ADGRB3: variants seen among roughly 807,000 people sequenced by gnomAD.
The protein encoded by ADGRB3 is adhesion G protein-coupled receptor B3.
ADGRB3 carries 37 observed loss-of-function variants against 193.4 expected under a neutral mutation model. That is an observed-to-expected ratio of 0.19 (90% CI 0.15 to 0.25). The LOEUF (loss-of-function observed/expected upper bound fraction) is 0.25, where lower values mean the gene tolerates loss of function less well. Among genes scored for constraint, ADGRB3 ranks in the 10% least tolerant of loss-of-function variants. The probability of loss-of-function intolerance (pLI) is 1.00; values close to 1 mark genes in which losing one functional copy is unlikely to be tolerated. For missense variants in ADGRB3, 1,637 were observed against 1,852.9 expected, an observed-to-expected ratio of 0.88 and a Z score of 2.14; for synonymous variants, 690 against 644.2, an observed-to-expected ratio of 1.07 and a Z score of -1.08.
At chr6:69,320,812 TG>T (rs1395410667) in intron 20 of ADGRB3, among the ~76,000 whole-genome samples, 1 of 138,600 alleles carries the variant, frequency 7.2e-6, no homozygotes, top group Non-Finnish European at 1.5e-5. Context: ...TATATGTGCT[TG>T]TGCATGTGTG....
chr6:68,834,288 A>G (rs1311562908), intron 3 of ADGRB3, among the ~76,000 whole-genome samples: 1 of 152,156 alleles, frequency 6.6e-6, no homozygotes, highest in Non-Finnish European at 1.5e-5. Context: ...CAAAATTTAC[A>G]TCAGCAAGAG....
intron 5 of ADGRB3, among the ~76,000 whole-genome samples, chr6:68,941,697 A>C (rs1767646754): frequency 6.7e-6 from 1 of 148,596 alleles, no homozygotes; most frequent in Non-Finnish European, 1.5e-5. Context: ...GGTTTTTAAA[A>C]TTGGAGGAGA....
chr6:69,086,516 T>A (rs1311822215), intron 17 of ADGRB3, among the ~76,000 whole-genome samples: 1 of 152,166 alleles, frequency 6.6e-6, no homozygotes, highest in Non-Finnish European at 1.5e-5. Flanking sequence ...CTTTACTTTG[T>A]CATTATAATC....
chr6:68,963,230 A>G (rs1213058754), intron 8 of ADGRB3, among the ~76,000 whole-genome samples: 1 of 152,180 alleles, frequency 6.6e-6, no homozygotes, highest in Admixed American at 6.5e-5. Context: ...CCTCATTTAT[A>G]AAATAGGGAT....
intron 17 of ADGRB3, among the ~76,000 whole-genome samples, chr6:69,098,926 A>G (rs1264288070): frequency 6.6e-6 from 1 of 152,208 alleles, no homozygotes; most frequent in African/African-American, 2.4e-5. Context: ...ATCAGTGCCA[A>G]CTAATTCTCT....
intron 22 of ADGRB3, among the ~76,000 whole-genome samples, chr6:69,329,614 G>C (rs1768667126): frequency 6.6e-6 from 1 of 152,180 alleles, no homozygotes; most frequent in African/African-American, 2.4e-5. Context: ...TACTGCTTTT[G>C]AAGGCAGCAT....
In ADGRB3 at chr6:69,382,911, G is replaced by A. The variant is rs1478638766; in HGVS notation, c.4356G>A (p.Arg1452=). 2 of 1,606,674 alleles carry A rather than the reference G, an allele frequency of 1.2e-6. No homozygotes were observed. Among genetic ancestry groups the A allele is most frequent in the Admixed American group, 1.7e-5 (1 of 59,578 alleles). The change falls in exon 31 of 32, where the codon CGG becomes CGA. Residue 1452 remains arginine (R), a synonymous_variant. Coordinates refer to ENST00000370598, the MANE Select transcript of ADGRB3 (RefSeq NM_001704.3). ...AATTTCAAACTTTGGACAGATTTCG[G>A]GATATACCAAATACAAGCAGTATGG... The part of the protein sequence containing the change: ...NQKFQTLDRF[R]DIPNTSSMEN...
intron 17 of ADGRB3, among the ~76,000 whole-genome samples, chr6:69,122,531 T>C (rs984982213): frequency 1.4e-5 from 2 of 147,618 alleles, no homozygotes; most frequent in Non-Finnish European, 1.5e-5. Flanking sequence ...TTTTTACAAC[T>C]GTTTAAATTT....
intron 3 of ADGRB3, among the ~76,000 whole-genome samples, chr6:68,899,459 A>C (rs1766332603): frequency 9.2e-6 from 1 of 108,558 alleles, no homozygotes; most frequent in Non-Finnish European, 1.8e-5. Flanking sequence ...ACCCCACAAC[A>C]GTCCCCAGAG....
intron 13 of ADGRB3, 38 bp downstream of exon 13, chr6:69,018,537 T>TA (rs755537055): frequency 5.6e-4 from 784 of 1,403,572 alleles, no homozygotes; most frequent in South Asian, 7.3e-4. Flanking sequence ...CTTTCTGAAA[T>TA]AAAAAAAAAT....
chr6:68,833,497 T>C (rs968141067), intron 3 of ADGRB3, among the ~76,000 whole-genome samples: 2 of 147,318 alleles, frequency 1.4e-5, no homozygotes, highest in African/African-American at 2.5e-5. Context: ...TAAAATGTTA[T>C]TACACTGTTC....
intron 17 of ADGRB3, among the ~76,000 whole-genome samples, chr6:69,153,776 G>GA (rs1342809059): frequency 6.6e-6 from 1 of 152,092 alleles, no homozygotes; most frequent in African/African-American, 2.4e-5. Flanking sequence ...GGCGGATCAC[G>GA]AGGTCAGGAG....
chr6:68,814,776 AG>A (rs1177513531), intron 3 of ADGRB3, among the ~76,000 whole-genome samples: 2 of 151,818 alleles, frequency 1.3e-5, no homozygotes, highest in East Asian at 3.9e-4. Context: ...CACATCAAAA[AG>A]CTTATCCACC....
chr6:69,030,327 C>T (rs953925107), intron 13 of ADGRB3, among the ~76,000 whole-genome samples: 1 of 152,128 alleles, frequency 6.6e-6, no homozygotes, highest in African/African-American at 2.4e-5. Context: ...ATGTTTATTG[C>T]AGCACTATTC....
At chr6:68,896,729 T>G (rs1290271094) in intron 3 of ADGRB3, among the ~76,000 whole-genome samples, 2 of 152,088 alleles carry the variant, frequency 1.3e-5, no homozygotes, top group African/African-American at 4.8e-5. Context: ...CTAGGAATTT[T>G]AAAGAAAAGT....
chr6:69,105,496 C>T (rs1582464480), intron 17 of ADGRB3, among the ~76,000 whole-genome samples: 1 of 152,168 alleles, frequency 6.6e-6, no homozygotes, highest in African/African-American at 2.4e-5. Context: ...AGGCCTACAT[C>T]GCCCTCTGCC....
At chr6:69,068,816 G>T (rs183474927) in intron 16 of ADGRB3, among the ~76,000 whole-genome samples, 179 of 152,242 alleles carry the variant, frequency 1.2e-3, no homozygotes, top group African/African-American at 4.3e-3. Flanking sequence ...CAATCAAATA[G>T]CTGCCAACTT....
intron 17 of ADGRB3, among the ~76,000 whole-genome samples, chr6:69,086,086 A>AT (rs1459607826): frequency 2.0e-5 from 3 of 152,092 alleles, no homozygotes; most frequent in African/African-American, 7.2e-5. Context: ...ATATTTTAAA[A>AT]TTTATATTTG....
chr6:69,239,236 G>A lies in ADGRB3; in HGVS notation c.2814+10G>A, dbSNP rs374562355. On this transcript the variant is annotated intron_variant, in intron 20 of 31. Coordinates refer to ENST00000370598, the MANE Select transcript of ADGRB3 (RefSeq NM_001704.3). Reference sequence around the variant, plus strand: ...TCAGACACATAATAAGGTATGACTGGTAATTATTCTGATTCTTTTTTTGTG... The same window carrying A: ...TCAGACACATAATAAGGTATGACTGATAATTATTCTGATTCTTTTTTTGTG... The A allele has an allele frequency of 2.6e-5, 38 of 1,477,378 alleles. No individual in the cohort carries two copies. The highest frequency in any genetic ancestry group is 5.6e-5 in the African/African-American group (4 of 70,972). 91.5% of individuals were successfully genotyped at this position (1,477,378 alleles called of 1,614,324 possible).
Sources: gnomAD v4.1 joint callset for allele counts (sites outside exome capture counted in the v4.1 genomes callset) on GRCh38, gnomAD v4.1.1 for gene constraint, MANE v1.5 for transcripts, NCBI Gene and HGNC (gene_info 2026-07-23, HGNC 2026-07-21) for gene names.